The following RTN3 variants were observed in gnomAD, a reference collection of about 807,000 sequenced individuals.
The protein encoded by RTN3 is reticulon 3.
In RTN3, 49 loss-of-function variants were observed where a neutral mutation model predicts 77.8. The ratio of observed to expected loss-of-function variants is 0.63; its 90% confidence interval spans 0.50 to 0.80. The LOEUF (loss-of-function observed/expected upper bound fraction) is 0.80, where lower values mean the gene tolerates loss of function less well. Ranked by LOEUF, RTN3 falls within the 30% of genes least tolerant of loss-of-function variation. The pLI, the probability that RTN3 is intolerant of heterozygous loss-of-function variation, is 0.00. For synonymous variants in RTN3, 464 were observed against 446.9 expected (o/e 1.04, Z -0.48); for missense variants, 1,236 against 1,211.9 (o/e 1.02, Z -0.29).
rs1194497754 is a variant in RTN3 at position 63,719,708 on chromosome 11, A to G, written c.1206A>G (p.Thr402=). The change falls in exon 3 of 9, where the codon ACA becomes ACG. Residue 402 remains threonine, a synonymous_variant. Transcript: ENST00000377819. ...IDGSTPITKS[T]GDWAEASLQQ... is the part of the protein sequence containing the mutation. Reference sequence around the variant, plus strand: ...GGAGCACTCCCATCACTAAATCAACAGGTGATTGGGCAGAAGCATCTCTCC... The same window carrying G: ...GGAGCACTCCCATCACTAAATCAACGGGTGATTGGGCAGAAGCATCTCTCC... 1.2e-5 allele frequency: 19 copies of G among 1,614,048 alleles called. No homozygotes were observed. The Middle Eastern group carries it at 4.9e-4, about 42-fold the overall frequency.
intron 1 of RTN3, among the ~76,000 whole-genome samples, chr11:63,686,386 G>A (rs1400402855): frequency 6.6e-6 from 1 of 151,788 alleles, no homozygotes; most frequent in Non-Finnish European, 1.5e-5. Context: ...CAGGAGAATG[G>A]CGTGAACCCA....
Position 63,750,092 on chromosome 11 carries a change from G to T in RTN3, c.2632G>T (p.Val878Leu). ...CCTGGCAGCTTTCAGTGTCATCAGT[G>T]TGGTTTCTTACCTCATCCTGGCTCT... Reference protein sequence around the residue: ...LSLAAFSVISVVSYLILALLS... With the variant: ...LSLAAFSVISLVSYLILALLS... Residue 878 changes from valine (V) to leucine (L), a missense_variant, in exon 4 of 9, where the codon GTG (valine) becomes TTG (leucine). By Grantham distance (32) the Val-to-Leu change is conservative. Coordinates refer to ENST00000377819, the MANE Select transcript of RTN3 (RefSeq NM_001265589.2). 1 of 1,613,454 alleles carries T rather than the reference G, an allele frequency of 6.2e-7. No individual in the cohort carries two copies. Among genetic ancestry groups the T allele is most frequent in the Non-Finnish European group, 8.5e-7 (1 of 1,179,600 alleles).
At chr11:63,700,127 C>T (rs1051104834) in intron 1 of RTN3, among the ~76,000 whole-genome samples, 2 of 152,128 alleles carry the variant, frequency 1.3e-5, no homozygotes, top group Non-Finnish European at 1.5e-5. Flanking sequence ...CTGGCATGCT[C>T]ATAGGCTCTT....
intron 3 of RTN3, among the ~76,000 whole-genome samples, chr11:63,737,441 C>G (rs2134996517): frequency 6.6e-6 from 1 of 152,184 alleles, no homozygotes; most frequent in Non-Finnish European, 1.5e-5. Context: ...GAAACCCCAT[C>G]TCTACTAAAA....
At chr11:63,754,311 T>TG (rs1565048656) in intron 7 of RTN3, among the ~76,000 whole-genome samples, 1 of 152,188 alleles carries the variant, frequency 6.6e-6, no homozygotes, top group Middle Eastern at 3.4e-3. Flanking sequence ...CCTAACACTT[T>TG]GGGGGGCCGA....
Position 63,735,550 on chromosome 11 carries a change from TTCTCTCTCTCTCTC to T in RTN3, c.2531-14403_2531-14390del, listed in dbSNP as rs71468640. Among the ~76,000 whole-genome samples, 195 of 42,730 alleles carry T rather than the reference TTCTCTCTCTCTCTC, an allele frequency of 4.6e-3. 4 individuals are homozygous for T. Among genetic ancestry groups the T allele is most frequent in the African/African-American group, 9.8e-3 (109 of 11,126 alleles). 28.0% of individuals were successfully genotyped at this position (42,730 alleles called of 152,430 possible). On this transcript the variant is annotated intron_variant, in intron 3 of 8. Transcript: ENST00000377819. The stretch of plus-strand genomic sequence containing the variant: ...AATTCAAAGTCCCAGATTCTAACAT[TTCTCTCTCTCTCTC>T]TCTCTCTCTCTCTCTCTCTCTCTCT...
At chr11:63,744,547 A>G (rs1177952350) in intron 3 of RTN3, among the ~76,000 whole-genome samples, 1 of 152,190 alleles carries the variant, frequency 6.6e-6, no homozygotes, top group Non-Finnish European at 1.5e-5. Flanking sequence ...GTATTTGTAC[A>G]TCTAAACATT....
At chr11:63,710,310 C>T (rs1942689710) in intron 2 of RTN3, among the ~76,000 whole-genome samples, 1 of 151,928 alleles carries the variant, frequency 6.6e-6, no homozygotes, top group Non-Finnish European at 1.5e-5. Flanking sequence ...GGACTACAGG[C>T]GGGCACCACT....
chr11:63,707,334 T>C (rs544630213), intron 2 of RTN3, among the ~76,000 whole-genome samples: 4 of 152,272 alleles, frequency 2.6e-5, no homozygotes, highest in African/African-American at 9.6e-5. Flanking sequence ...TAATCCCTGG[T>C]TAACAACACT....
At chr11:63,754,394 AAAT>A (rs1247426845) in intron 7 of RTN3, among the ~76,000 whole-genome samples, 1 of 151,810 alleles carries the variant, frequency 6.6e-6, no homozygotes, top group African/African-American at 2.4e-5. Context: ...TCTCTACTAA[AAAT>A]ATAAAAATTA....
chr11:63,694,749 C>T (rs765510373), intron 1 of RTN3, among the ~76,000 whole-genome samples: 14 of 152,158 alleles, frequency 9.2e-5, no homozygotes, highest in Non-Finnish European at 1.3e-4. Flanking sequence ...TGAGCCAGCG[C>T]GCCCAACCTT....
chr11:63,733,050 C>T (rs2012804620), intron 3 of RTN3, among the ~76,000 whole-genome samples: 1 of 152,122 alleles, frequency 6.6e-6, no homozygotes, highest in Admixed American at 6.5e-5. Flanking sequence ...CTCAGTGGCT[C>T]ACGCCTATAA....
intron 3 of RTN3, among the ~76,000 whole-genome samples, chr11:63,745,957 C>T (rs1445125323): frequency 1.3e-5 from 2 of 152,156 alleles, no homozygotes; most frequent in Non-Finnish European, 2.9e-5. Flanking sequence ...AGTACAGGCA[C>T]GCACCACCAT....
chr11:63,683,332 T>C (rs533142405), intron 1 of RTN3, among the ~76,000 whole-genome samples: 8 of 152,238 alleles, frequency 5.3e-5, no homozygotes, highest in Non-Finnish European at 8.8e-5. Context: ...CTTGATCTTT[T>C]TGCTTTAATC....
intron 1 of RTN3, among the ~76,000 whole-genome samples, chr11:63,684,944 G>C (rs1045062867): frequency 2.6e-5 from 4 of 151,094 alleles, no homozygotes; most frequent in African/African-American, 9.7e-5. Flanking sequence ...ACTTTTACTA[G>C]ATATGGGGTT....
chr11:63,754,149 G>C (rs1367377797), intron 7 of RTN3, among the ~76,000 whole-genome samples: 1 of 152,064 alleles, frequency 6.6e-6, no homozygotes, highest in Non-Finnish European at 1.5e-5. Context: ...GGATGCAGTG[G>C]CCTGCACCTG....
chr11:63,757,315 G>A (rs912281336), intron 8 of RTN3, among the ~76,000 whole-genome samples: 3 of 151,948 alleles, frequency 2.0e-5, no homozygotes, highest in African/African-American at 7.2e-5. Flanking sequence ...CATACCTAGA[G>A]GACAGTATTT....
At chr11:63,713,847 G>A (rs2011238605) in intron 2 of RTN3, 7 of 319,288 alleles carry the variant, frequency 2.2e-5, no homozygotes, top group South Asian at 1.8e-4. Context: ...AGAAAAGAAA[G>A]ATAGTAGACA....
chr11:63,697,542 AC>A lies in RTN3; in HGVS notation c.143-7308del, dbSNP rs891475894. On this transcript the variant is annotated intron_variant, in intron 1 of 8. Transcript: ENST00000377819. ...CCAGGCTGGAGTGCAATGGTGCGAT[AC>A]TGGCTCACTGCAACCTCTGCCTCCT... Among the ~76,000 whole-genome samples, 4 of 151,890 alleles carry A rather than the reference AC, an allele frequency of 2.6e-5. No homozygotes were observed. The East Asian group carries it at 7.8e-4, about 29-fold the overall frequency.
Sources: allele counts gnomAD v4.1 joint callset (sites outside exome capture counted in the v4.1 genomes callset), GRCh38; gene constraint gnomAD v4.1.1; transcripts MANE v1.5; gene names NCBI Gene and HGNC (gene_info 2026-07-23, HGNC 2026-07-21).